The following SPATA16 variants were observed in gnomAD, a reference collection of about 807,000 sequenced individuals.
SPATA16 encodes the protein spermatogenesis-associated protein 16.
SPATA16 carries 36 observed loss-of-function variants against 63.3 expected under a neutral mutation model. The observed-to-expected ratio is 0.57, with a 90% CI of 0.44 to 0.75. The LOEUF is 0.75. Among genes scored for constraint, SPATA16 ranks in the 30% least tolerant of loss-of-function variants. The probability of loss-of-function intolerance (pLI) is 0.00; values close to 1 mark genes in which losing one functional copy is unlikely to be tolerated. For missense variants in SPATA16, 646 were observed against 679.3 expected (o/e 0.95, Z 0.54); for synonymous variants, 203 against 216.7 (o/e 0.94, Z 0.56).
intron 3 of SPATA16, among the ~76,000 whole-genome samples, chr3:173,022,821 A>C (rs1735365568): frequency 6.6e-6 from 1 of 151,818 alleles, no homozygotes; most frequent in Non-Finnish European, 1.5e-5. Flanking sequence ...AGAGGAAAAA[A>C]CTCTGATTTA....
chr3:173,046,722 CTAAT>C (rs1239970197), intron 3 of SPATA16, among the ~76,000 whole-genome samples: 6 of 151,922 alleles, frequency 3.9e-5, no homozygotes, highest in African/African-American at 9.7e-5. Context: ...AGTAAATATC[CTAAT>C]TAATTTATTT....
chr3:172,894,879 G>A (rs552818231), intron 10 of SPATA16, among the ~76,000 whole-genome samples: 1 of 152,278 alleles, frequency 6.6e-6, no homozygotes, highest in East Asian at 1.9e-4. Context: ...GTCTGCCACT[G>A]CCTTGATTTT....
intron 3 of SPATA16, among the ~76,000 whole-genome samples, chr3:173,033,016 A>C (rs534765256): frequency 6.6e-6 from 1 of 152,184 alleles, no homozygotes; most frequent in Admixed American, 6.5e-5. Flanking sequence ...CTCTCCACCA[A>C]CTTTTGTGCC....
chr3:172,942,048 A>G (rs1733161335), intron 6 of SPATA16, among the ~76,000 whole-genome samples: 1 of 152,130 alleles, frequency 6.6e-6, no homozygotes, highest in Non-Finnish European at 1.5e-5. Flanking sequence ...AGGAGGGGGG[A>G]AAAGCATGTG....
At chr3:173,109,827 G>A (rs115555980) in intron 2 of SPATA16, among the ~76,000 whole-genome samples, 3,606 of 152,166 alleles carry the variant, frequency 0.024, 148 homozygotes, top group African/African-American at 0.083. Context: ...GGCAGAAACT[G>A]TATTTTATTT....
chr3:173,008,330 C>T (rs911563243), intron 4 of SPATA16, among the ~76,000 whole-genome samples: 1 of 152,112 alleles, frequency 6.6e-6, no homozygotes, highest in African/African-American at 2.4e-5. Flanking sequence ...GATGGACTTG[C>T]AGGGAGCCAG....
intron 10 of SPATA16, among the ~76,000 whole-genome samples, chr3:172,899,323 T>C (rs1732075067): frequency 6.6e-6 from 1 of 152,084 alleles, no homozygotes; most frequent in Admixed American, 6.6e-5. Context: ...TGTTTGTGCA[T>C]ACACTTAGAA....
chr3:173,099,294 G>A (rs538265477), intron 2 of SPATA16, among the ~76,000 whole-genome samples: 1 of 152,202 alleles, frequency 6.6e-6, no homozygotes, highest in Admixed American at 6.5e-5. Flanking sequence ...GAGAGGGAGA[G>A]ACAGAGACAG....
chr3:173,082,176 G>A (rs11713308), intron 2 of SPATA16, among the ~76,000 whole-genome samples: 222 of 152,206 alleles, frequency 1.5e-3, no homozygotes, highest in Middle Eastern at 0.01. Context: ...AGGGCCTGGG[G>A]TAAGAATTCA....
intron 4 of SPATA16, among the ~76,000 whole-genome samples, chr3:173,008,236 A>C (rs1190303215): frequency 1.3e-5 from 2 of 152,134 alleles, no homozygotes; most frequent in Non-Finnish European, 2.9e-5. Context: ...TTGCCGAATG[A>C]CCAGTTTGTC....
rs775619796 is a variant in SPATA16, at chr3:172,924,327, G to T, written c.1229-10C>A. The T allele has an allele frequency of 2.5e-6, 4 of 1,600,490 alleles. No individual in the cohort carries two copies. The highest frequency in any genetic ancestry group is 3.4e-6 in the Non-Finnish European group (4 of 1,169,250). ...AAAGGTGTTTTATGCTCTAAAAATT[G>T]TAACAATAAACTTTTATACTATTTT... is the stretch of plus-strand genomic sequence containing the variant. On this transcript the variant is annotated splice_polypyrimidine_tract_variant and intron_variant, in intron 7 of 10. Coordinates refer to ENST00000351008, the MANE Select transcript of SPATA16 (RefSeq NM_031955.6).
chr3:172,961,037 T>TTTC (rs1560080199), intron 5 of SPATA16, among the ~76,000 whole-genome samples: 11 of 98,486 alleles, frequency 1.1e-4, no homozygotes, highest in African/African-American at 3.5e-4. Context: ...TCTCTCTTTC[T>TTTC]TTCTTTCTTT....
At chr3:172,916,253 A>C in intron 9 of SPATA16, 64 bp downstream of exon 9, 1 of 1,492,572 alleles carries the variant, frequency 6.7e-7, no homozygotes, top group Non-Finnish European at 9.2e-7. Context: ...TTTTTTCCCC[A>C]GACCATATCA....
intron 2 of SPATA16, among the ~76,000 whole-genome samples, chr3:173,075,088 A>G (rs1314275099): frequency 6.6e-6 from 1 of 151,652 alleles, no homozygotes; most frequent in Non-Finnish European, 1.5e-5. Context: ...TGTATCCTAA[A>G]CCTCAGCATC....
rs764578725 is a variant in SPATA16, at chr3:172,889,689, C to T, written c.1591G>A (p.Gly531Arg). ...ERVWNMIQKV[G>R]QIEDFLYQLE... is the part of the protein sequence containing the mutation. ...TGGTATAGAAAATCTTCAATTTGTC[C>T]AACCTAGAAGAAATAAACAGATGCA... The change falls in exon 11 of 11, where the codon GGA (glycine) becomes AGA (arginine). Residue 531 changes from glycine (G) to arginine (R), a missense_variant. Physicochemically the swap from Gly to Arg is moderately radical, Grantham distance 125. Transcript: ENST00000351008. The T allele has an allele frequency of 5.0e-6, 8 of 1,612,676 alleles. No homozygotes were observed. The South Asian group carries it at 8.8e-5, about 18-fold the overall frequency.
At chr3:172,934,658 G>A (rs539112540) in intron 6 of SPATA16, among the ~76,000 whole-genome samples, 6 of 152,138 alleles carry the variant, frequency 3.9e-5, no homozygotes, top group African/African-American at 1.4e-4. Flanking sequence ...AAAGAATTAT[G>A]TACAAAATTA....
At chr3:173,131,115 T>C (rs1156823056) in intron 1 of SPATA16, among the ~76,000 whole-genome samples, 1 of 152,178 alleles carries the variant, frequency 6.6e-6, no homozygotes, top group East Asian at 1.9e-4. Flanking sequence ...CCCCAGTTGA[T>C]CTCAGCCAAA....
intron 3 of SPATA16, among the ~76,000 whole-genome samples, chr3:173,047,002 ATAACT>A (rs1735972696): frequency 6.6e-6 from 1 of 152,006 alleles, no homozygotes; most frequent in African/African-American, 2.4e-5. Context: ...AATAGGAAAG[ATAACT>A]TTACTATTCA....
At chr3:173,134,389 T>A (rs1433622728) in intron 1 of SPATA16, among the ~76,000 whole-genome samples, 1 of 151,826 alleles carries the variant, frequency 6.6e-6, no homozygotes, top group Non-Finnish European at 1.5e-5. Context: ...CTCAAGAGGC[T>A]GAGGCAGGAG....
Sources: allele counts gnomAD v4.1 joint callset (sites outside exome capture counted in the v4.1 genomes callset), GRCh38; gene constraint gnomAD v4.1.1; transcripts MANE v1.5; gene names NCBI Gene and HGNC (gene_info 2026-07-23, HGNC 2026-07-21).